CCDC9: variants seen among roughly 807,000 people sequenced by gnomAD.
The protein encoded by CCDC9 is coiled-coil domain containing 9, also known as coiled-coil domain-containing protein 9.
A neutral mutation model predicts 65.6 loss-of-function variants in CCDC9; 52 were observed. That is an observed-to-expected ratio of 0.79 (90% CI 0.63 to 1.00). The LOEUF is 1.00. CCDC9 is among the 50% of genes least tolerant of loss of function. The pLI is 0.00. For synonymous variants in CCDC9, 332 were observed against 280.3 expected (o/e 1.18, Z -1.84); for missense variants, 834 against 757.2 (o/e 1.10, Z -1.19).
intron 3 of CCDC9, among the ~76,000 whole-genome samples, chr19:47,258,919 G>C (rs1421559205): frequency 6.6e-6 from 1 of 152,190 alleles, no homozygotes; most frequent in African/African-American, 2.4e-5. Flanking sequence ...GACAGACCCA[G>C]GCCTGCCCCC....
At chr19:47,270,953 G>T in intron 10 of CCDC9, 129 bp from the exon 11 acceptor site, 2 of 778,200 alleles carry the variant, frequency 2.6e-6, no homozygotes, top group Non-Finnish European at 4.2e-6. Flanking sequence ...ACACACATCC[G>T]CCATTCCCTC....
Position 47,261,651 on chromosome 19 carries a change from A to T in CCDC9, c.462+812A>T, listed in dbSNP as rs561509763. Among the ~76,000 whole-genome samples, 14 of 141,976 alleles carry T rather than the reference A, an allele frequency of 9.9e-5. No individual in the cohort carries two copies. The South Asian group carries it at 3.3e-3, about 33-fold the overall frequency. 93.1% of individuals were successfully genotyped at this position (141,976 alleles called of 152,430 possible). A position where few individuals can be genotyped will look rare whatever the true frequency, so the allele number is the denominator to read the frequency against. On this transcript the variant is annotated intron_variant, in intron 5 of 11. Transcript: ENST00000221922. The stretch of plus-strand genomic sequence containing the variant: ...CACTTAAACCTGGGAGGTGGAGGTC[A>T]CAGTGAGCCGAGATCATGCCACTGC...
intron 8 of CCDC9, among the ~76,000 whole-genome samples, chr19:47,269,112 A>G (rs1354336496): frequency 6.6e-5 from 10 of 152,058 alleles, no homozygotes; most frequent in Admixed American, 6.6e-4. Flanking sequence ...TCTCTAAGAA[A>G]AAAAAATGCA....
rs1328350742 is a variant in CCDC9 at position 47,270,580 on chromosome 19, A to G, written c.977A>G (p.Lys326Arg). 4 of 1,613,930 alleles carry G rather than the reference A, an allele frequency of 2.5e-6. No homozygotes were observed. The highest frequency in any genetic ancestry group is 1.7e-6 in the Non-Finnish European group (2 of 1,180,018). ...GACCAGGCCTGGGCCCGGCCCCCGA[A>G]GCCCCCTACTTTTGGGGAGTTCCTG... ...YDDQAWARPP[K>R]PPTFGEFLSQ... The change falls in exon 10 of 12, where the codon AAG (lysine) becomes AGG (arginine). Residue 326 changes from lysine (K) to arginine (R), a missense_variant. Lys to Arg is a conservative substitution (Grantham distance 26, BLOSUM62 2). Coordinates refer to ENST00000221922, the MANE Select transcript of CCDC9 (RefSeq NM_015603.3).
chr19:47,273,942 C>T, downstream of CCDC9: 2 of 982,088 alleles, frequency 2.0e-6, no homozygotes, highest in African/African-American at 1.7e-5. Flanking sequence ...CCTTCTGATC[C>T]GTCTTCCCTC....
chr19:47,275,530 C>G (rs2123498991), downstream of CCDC9: 1 of 823,242 alleles, frequency 1.2e-6, no homozygotes, highest in Non-Finnish European at 1.8e-6. Flanking sequence ...CCTCTTGCAG[C>G]TACTCTGTGG....
At chr19:47,266,293 C>T (rs992533808) in intron 7 of CCDC9, 3 of 300,614 alleles carry the variant, frequency 1.0e-5, no homozygotes, top group South Asian at 1.0e-4. Context: ...CCGCGCCCGG[C>T]GGGAGAAGAG....
chr19:47,270,298 T>C (rs1321662376), intron 8 of CCDC9, 109 bp from the exon 9 acceptor site: 2 of 1,061,878 alleles, frequency 1.9e-6, no homozygotes, highest in Admixed American at 2.0e-5. Flanking sequence ...CCCTGTCTGG[T>C]TGACCGTCTG....
At chr19:47,273,635 CG>C (rs1202616343), downstream of CCDC9, 5 of 393,496 alleles carry the variant, frequency 1.3e-5, no homozygotes, top group Non-Finnish European at 2.2e-5. Flanking sequence ...GCCCCACCAA[CG>C]GGGGACGTCA....
intron 5 of CCDC9, among the ~76,000 whole-genome samples, chr19:47,261,569 G>C (rs576447423): frequency 6.6e-6 from 1 of 152,058 alleles, no homozygotes; most frequent in East Asian, 1.9e-4. Context: ...AAAATTAGCT[G>C]GACGTGGTGG....
intron 5 of CCDC9, among the ~76,000 whole-genome samples, chr19:47,263,301 C>G (rs1271893077): frequency 6.6e-6 from 1 of 152,092 alleles, no homozygotes; most frequent in Non-Finnish European, 1.5e-5. Flanking sequence ...GCTAGAAAGA[C>G]TCATGGCTTA....
At chr19:47,275,379 G>C, downstream of CCDC9, 2 of 1,527,620 alleles carry the variant, frequency 1.3e-6, no homozygotes, top group Non-Finnish European at 1.8e-6. Context: ...CGGATCGCCA[G>C]CCCTCGAGAG....
Position 47,264,900 on chromosome 19 carries a change from G to T in CCDC9, c.674G>T (p.Gly225Val). ...ESRRHGRNWGGPDFERVRCGL... is the reference protein window; with the variant it reads ...ESRRHGRNWGVPDFERVRCGL... ...CGCCGGCACGGCCGCAACTGGGGGG[G>T]CCCCGACTTCGAGCGGGTGCGCTGT... Residue 225 changes from glycine (G) to valine (V), a missense_variant, in exon 7 of 12, where the codon GGC becomes GTC. By Grantham distance (109) the Gly-to-Val change is moderately radical (BLOSUM62 -3). Transcript: ENST00000221922. The T allele has an allele frequency of 1.4e-6, 2 of 1,469,402 alleles. No individual in the cohort carries two copies. The highest frequency in any genetic ancestry group is 9.0e-7 in the Non-Finnish European group (1 of 1,112,910). The allele number at this position is 1,469,402 out of a possible 1,614,324, so 91.0% of individuals were successfully genotyped here.
At chr19:47,266,022 G>T (rs2059080248) in intron 7 of CCDC9, among the ~76,000 whole-genome samples, 2 of 95,308 alleles carry the variant, frequency 2.1e-5, no homozygotes, top group Non-Finnish European at 1.9e-5. Context: ...TTGAGACAGA[G>T]TCTTGCCCTG....
At chr19:47,265,142 T>C (rs1037685645) in intron 7 of CCDC9, among the ~76,000 whole-genome samples, 196 bp downstream of exon 7, 1 of 152,010 alleles carries the variant, frequency 6.6e-6, no homozygotes, top group Non-Finnish European at 1.5e-5. Context: ...ACTGCAGCCT[T>C]TGCCTCCTGG....
downstream of CCDC9, chr19:47,275,501 G>C: frequency 1.8e-6 from 2 of 1,123,394 alleles, no homozygotes; most frequent in South Asian, 1.7e-5. Flanking sequence ...GGCCCAGGGG[G>C]TGTCAGCTCG....
At chr19:47,272,234 T>G (rs2059128627), downstream of CCDC9, 3 of 955,682 alleles carry the variant, frequency 3.1e-6, no homozygotes, top group African/African-American at 1.8e-5. Context: ...GCAGAGGGCT[T>G]GGGGGGAGTG....
downstream of CCDC9, chr19:47,275,188 C>T: frequency 2.0e-6 from 3 of 1,480,400 alleles, no homozygotes; most frequent in Non-Finnish European, 2.7e-6. Flanking sequence ...GCGCCCGCCG[C>T]TGCCTCCCTC....
chr19:47,265,984 CTTTTTTTTTTTTTT>C lies in CCDC9; in HGVS notation c.721-611_721-598del, dbSNP rs1158302196. 3.7e-3 allele frequency among the ~76,000 whole-genome samples: 269 copies of C among 72,638 alleles called. 5 individuals carry two copies. The highest frequency in any genetic ancestry group is 0.021 in the African/African-American group (259 of 12,250). The allele number at this position is 72,638 out of a possible 152,430, so 47.7% of individuals were successfully genotyped here. On this transcript the variant is annotated intron_variant, in intron 7 of 11. Transcript: ENST00000221922. Reference sequence around the variant, plus strand: ...TACAGGCGTGAGCCACCGCTCCTGGCTTTTTTTTTTTTTTTTTTTTTTTTTTTTTGAGACAGAGT... The same window carrying C: ...TACAGGCGTGAGCCACCGCTCCTGGCTTTTTTTTTTTTTTTGAGACAGAGT...
Sources: gnomAD v4.1 joint callset for allele counts (sites outside exome capture counted in the v4.1 genomes callset) on GRCh38, gnomAD v4.1.1 for gene constraint, MANE v1.5 for transcripts, NCBI Gene and HGNC (gene_info 2026-07-23, HGNC 2026-07-21) for gene names.